The following PCDH9 variants were observed in gnomAD, a reference collection of about 807,000 sequenced individuals.
PCDH9 encodes protocadherin-9.
PCDH9 carries 24 observed loss-of-function variants against 70.6 expected under a neutral mutation model. The ratio of observed to expected loss-of-function variants is 0.34; its 90% confidence interval spans 0.25 to 0.48. The LOEUF is 0.48. Among genes scored for constraint, PCDH9 ranks in the 20% least tolerant of loss-of-function variants. PCDH9 has a pLI of 0.99. For synonymous variants in PCDH9, 562 were observed against 558.5 expected, an observed-to-expected ratio of 1.01 and a Z score of -0.09; for missense variants, 1,281 against 1,503.6, an observed-to-expected ratio of 0.85 and a Z score of 2.45.
chr13:67,067,571 A>G (rs1371770683), intron 2 of PCDH9, among the ~76,000 whole-genome samples: 1 of 151,738 alleles, frequency 6.6e-6, no homozygotes, highest in Non-Finnish European at 1.5e-5. Context: ...CAAAGTAGAC[A>G]CTCTGTAACC....
chr13:66,357,842 T>G (rs1956410610), intron 4 of PCDH9, among the ~76,000 whole-genome samples: 1 of 152,062 alleles, frequency 6.6e-6, no homozygotes, highest in Non-Finnish European at 1.5e-5. Context: ...ACGCAGAGCT[T>G]TATTTGGGCA....
intron 2 of PCDH9, among the ~76,000 whole-genome samples, chr13:67,085,996 T>C (rs1179510770): frequency 1.3e-5 from 2 of 152,298 alleles, no homozygotes; most frequent in African/African-American, 2.4e-5. Context: ...ATATAGCCTA[T>C]AGTTTTCTCC....
intron 2 of PCDH9, among the ~76,000 whole-genome samples, chr13:67,084,604 T>C (rs550353325): frequency 6.6e-6 from 1 of 152,144 alleles, no homozygotes; most frequent in African/African-American, 2.4e-5. Flanking sequence ...TCCTTCCTTT[T>C]TCCAGCTGCA....
At chr13:66,742,593 A>G (rs2079284194) in intron 3 of PCDH9, among the ~76,000 whole-genome samples, 1 of 137,112 alleles carries the variant, frequency 7.3e-6, no homozygotes, top group Non-Finnish European at 1.6e-5. Context: ...CAACCTACTC[A>G]TCTGACAAAG....
At chr13:66,365,560 A>G (rs1956540352) in intron 4 of PCDH9, among the ~76,000 whole-genome samples, 1 of 152,216 alleles carries the variant, frequency 6.6e-6, no homozygotes, top group African/African-American at 2.4e-5. Flanking sequence ...GCTGTGTTAA[A>G]TGATAATCAG....
At chr13:66,641,200 T>G (rs1269929914) in intron 3 of PCDH9, among the ~76,000 whole-genome samples, 2 of 152,194 alleles carry the variant, frequency 1.3e-5, no homozygotes, top group East Asian at 3.8e-4. Context: ...GGATTATGAT[T>G]AATTCTGAGC....
intron 4 of PCDH9, among the ~76,000 whole-genome samples, chr13:66,593,230 G>A (rs1288337164): frequency 1.3e-5 from 2 of 151,588 alleles, no homozygotes; most frequent in African/African-American, 2.4e-5. Context: ...CATCTTCGGA[G>A]GACTATTGTC....
chr13:66,452,344 T>C (rs1337629908), intron 4 of PCDH9, among the ~76,000 whole-genome samples: 1 of 152,162 alleles, frequency 6.6e-6, no homozygotes, highest in Non-Finnish European at 1.5e-5. Flanking sequence ...ATAATAAACA[T>C]GCCCCTCCAA....
intron 4 of PCDH9, among the ~76,000 whole-genome samples, chr13:66,318,885 T>C (rs997116975): frequency 1.3e-5 from 2 of 152,204 alleles, no homozygotes; most frequent in African/African-American, 2.4e-5. Flanking sequence ...TAATAACTGG[T>C]GGTGACTTCT....
At chr13:66,359,511 A>T (rs1956434476) in intron 4 of PCDH9, among the ~76,000 whole-genome samples, 2 of 152,118 alleles carry the variant, frequency 1.3e-5, no homozygotes, top group East Asian at 3.9e-4. Flanking sequence ...TAAAAATAAA[A>T]TAGAAAGCCC....
chr13:67,225,714 T>A lies in PCDH9; in HGVS notation c.2727A>T (p.Glu909Asp), dbSNP rs113365656. Residue 909 changes from glutamate (E) to aspartate (D), a missense_variant, in exon 2 of 5, where the codon GAA (glutamate) becomes GAT (aspartate). By Grantham distance (45) the Glu-to-Asp change is conservative. Coordinates refer to ENST00000377865, the MANE Select transcript of PCDH9 (RefSeq NM_203487.3). ...PINGTISLPA[E>D]LEEQSIGRFD... is the part of the protein sequence containing the mutation. ...ATCTTCCTATACTTTGCTCCTCCAG[T>A]TCAGCCGGCAGGCTTATTGTCCCAT... 1 of 1,614,186 alleles carries A rather than the reference T, an allele frequency of 6.2e-7. No individual in the cohort carries two copies. Among genetic ancestry groups the A allele is most frequent in the Non-Finnish European group, 8.5e-7 (1 of 1,180,006 alleles).
chr13:67,055,245 G>A (rs1211576295), intron 2 of PCDH9, among the ~76,000 whole-genome samples: 2 of 152,148 alleles, frequency 1.3e-5, no homozygotes, highest in South Asian at 2.1e-4. Context: ...TTAAATATAA[G>A]AGTAATAGAT....
In PCDH9 at chr13:67,225,613, G is replaced by A. The variant is rs867182677; in HGVS notation, c.2828C>T (p.Ser943Phe). ...TTTGAGATGAAAAGCAGGCTGTGGA[G>A]AAGCAGATTTGTAGTGCTTGGCCAG... ...PDLAKHYKSA[S>F]PQPAFHLKPD... The change falls in exon 2 of 5, where the codon TCT becomes TTT. Residue 943 changes from serine (S) to phenylalanine (F), a missense_variant. Coordinates refer to ENST00000377865, the MANE Select transcript of PCDH9 (RefSeq NM_203487.3). 1 of 1,614,148 alleles carries A rather than the reference G, an allele frequency of 6.2e-7. No individual in the cohort carries two copies. The highest frequency in any genetic ancestry group is 1.3e-5 in the African/African-American group (1 of 75,042).
At chr13:66,900,133 T>C (rs2082253822) in intron 3 of PCDH9, among the ~76,000 whole-genome samples, 1 of 151,930 alleles carries the variant, frequency 6.6e-6, no homozygotes, top group Non-Finnish European at 1.5e-5. Context: ...TTTTTGTTTG[T>C]TTGCTGTTAC....
intron 4 of PCDH9, among the ~76,000 whole-genome samples, chr13:66,418,308 G>T (rs567792038): frequency 7.2e-5 from 11 of 152,278 alleles, no homozygotes; most frequent in African/African-American, 2.6e-4. Context: ...TCAAAGATCA[G>T]ATGGTGTTAG....
chr13:66,920,038 G>T (rs1167764311), intron 2 of PCDH9, among the ~76,000 whole-genome samples: 2 of 150,634 alleles, frequency 1.3e-5, no homozygotes, highest in Non-Finnish European at 3.0e-5. Flanking sequence ...TGAATAATAT[G>T]CTATCTGCTC....
At chr13:66,461,914 AGTCAGAG>A (rs1398137973) in intron 4 of PCDH9, among the ~76,000 whole-genome samples, 3 of 151,844 alleles carry the variant, frequency 2.0e-5, no homozygotes, top group African/African-American at 7.2e-5. Context: ...ATACATATAT[AGTCAGAG>A]GCCTTACCAT....
At chr13:67,137,647 T>G (rs1443605665) in intron 2 of PCDH9, among the ~76,000 whole-genome samples, 2 of 152,150 alleles carry the variant, frequency 1.3e-5, no homozygotes, top group East Asian at 3.9e-4. Context: ...CAGCTCTGTC[T>G]GCAATAGTGA....
intron 3 of PCDH9, among the ~76,000 whole-genome samples, chr13:66,647,737 C>T (rs568648150): frequency 5.3e-4 from 80 of 152,234 alleles, no homozygotes; most frequent in African/African-American, 1.6e-3. Context: ...TAGGATAAAA[C>T]ATCAAGTGGG....
Sources: gnomAD v4.1 joint callset for allele counts (sites outside exome capture counted in the v4.1 genomes callset) on GRCh38, gnomAD v4.1.1 for gene constraint, MANE v1.5 for transcripts, NCBI Gene and HGNC (gene_info 2026-07-23, HGNC 2026-07-21) for gene names.